The following HTR1F variants were observed in gnomAD, a reference collection of about 807,000 sequenced individuals.
HTR1F encodes the protein 5-hydroxytryptamine (serotonin) receptor 1F, G protein-coupled.
Under a neutral mutation model 24.0 loss-of-function variants are expected in HTR1F, and 17 were observed. The ratio of observed to expected loss-of-function variants is 0.71; its 90% CI spans 0.48 to 1.06. The LOEUF is 1.06. Ranked by LOEUF, HTR1F falls within the 50% of genes least tolerant of loss-of-function variation. HTR1F has a pLI of 0.00. For missense variants in HTR1F, 391 were observed against 427.8 expected (o/e 0.91, Z 0.76); for synonymous variants, 186 against 156.8 (o/e 1.19, Z -1.39).
At chr3:87,936,092 C>T (rs1434732454) in intron 2 of HTR1F, among the ~76,000 whole-genome samples, 1 of 152,158 alleles carries the variant, frequency 6.6e-6, no homozygotes, top group East Asian at 1.9e-4. Context: ...TCAAGTGATC[C>T]TCCCACCTTG....
chr3:87,833,553 G>C (rs1380550621), intron 2 of HTR1F, among the ~76,000 whole-genome samples: 1 of 152,170 alleles, frequency 6.6e-6, no homozygotes, highest in Non-Finnish European at 1.5e-5. Context: ...CCCAGCTGGA[G>C]TGTAGTGGCA....
rs1328816551 is a variant in HTR1F at position 87,987,708 on chromosome 3, ATATATATGTATTT to A, written c.-42-2979_-42-2967del. On this transcript the variant is annotated intron_variant, in intron 2 of 2. Coordinates refer to ENST00000319595, the MANE Select transcript of HTR1F (RefSeq NM_001322209.2). ...TTTATATATATAAAATATATGTATT[ATATATATGTATTT>A]TATATATGTATTTTATATATATAAA... Among the ~76,000 whole-genome samples the A allele has an allele frequency of 1.9e-3, 216 of 113,208 alleles. 4 individuals carry two copies. Among genetic ancestry groups the A allele is most frequent in the African/African-American group, 6.9e-3 (199 of 28,758 alleles). The allele number at this position is 113,208 out of a possible 152,430, so 74.3% of individuals were successfully genotyped here.
intron 1 of HTR1F, among the ~76,000 whole-genome samples, chr3:87,807,490 T>C (rs1704092865): frequency 6.6e-6 from 1 of 152,044 alleles, no homozygotes; most frequent in Non-Finnish European, 1.5e-5. Flanking sequence ...TTCCGCAACT[T>C]CATTGAATTT....
rs143164354 is a variant in HTR1F at position 87,951,587 on chromosome 3, C to T, written c.-42-39121C>T. On this transcript the variant is annotated intron_variant, in intron 2 of 2. Transcript: ENST00000319595. ...ACTACCTGCCCCATACATGTATAGC[C>T]TCTTCCATTATCAACATCCCCCACA... Among the ~76,000 whole-genome samples the T allele has an allele frequency of 1.1e-3, 169 of 152,158 alleles. 1 individual carries two copies. The highest frequency in any genetic ancestry group is 6.8e-3 in the South Asian group (33 of 4,820).
At chr3:87,882,982 G>A (rs569628198) in intron 2 of HTR1F, among the ~76,000 whole-genome samples, 33 of 152,284 alleles carry the variant, frequency 2.2e-4, no homozygotes, top group African/African-American at 6.3e-4. Flanking sequence ...CTCTGAGGAC[G>A]GACAGACTGC....
chr3:87,968,636 C>A (rs868100511), intron 2 of HTR1F, among the ~76,000 whole-genome samples: 1 of 152,114 alleles, frequency 6.6e-6, no homozygotes, highest in Admixed American at 6.5e-5. Flanking sequence ...GGAAGCAGAG[C>A]ATTAAAAGTT....
intron 2 of HTR1F, among the ~76,000 whole-genome samples, chr3:87,961,696 A>G (rs1378271929): frequency 2.0e-5 from 3 of 152,004 alleles, no homozygotes; most frequent in African/African-American, 7.2e-5. Context: ...CAGCGAGACA[A>G]CTTCACTGTG....
chr3:87,853,176 C>T (rs1232219330), intron 2 of HTR1F, among the ~76,000 whole-genome samples: 1 of 149,670 alleles, frequency 6.7e-6, no homozygotes, highest in Non-Finnish European at 1.5e-5. Flanking sequence ...GGTATTAAGC[C>T]TAGTACCCAT....
intron 2 of HTR1F, among the ~76,000 whole-genome samples, chr3:87,977,393 CTTTTTTTTTT>C (rs34070984): frequency 1.6e-3 from 119 of 73,092 alleles, no homozygotes; most frequent in African/African-American, 5.4e-3. Context: ...GAAGCTGAGA[CTTTTTTTTTT>C]TTTTTTTTTT....
chr3:87,988,078 T>G (rs1559660427), intron 2 of HTR1F, among the ~76,000 whole-genome samples: 1 of 151,816 alleles, frequency 6.6e-6, no homozygotes, highest in Non-Finnish European at 1.5e-5. Flanking sequence ...ACAGCATCAG[T>G]ATCACCCGGG....
At chr3:87,969,773 A>T (rs1430702428) in intron 2 of HTR1F, among the ~76,000 whole-genome samples, 2 of 152,104 alleles carry the variant, frequency 1.3e-5, no homozygotes, top group Non-Finnish European at 2.9e-5. Context: ...AGGGTGGAAT[A>T]ATATGGTTTG....
intron 2 of HTR1F, among the ~76,000 whole-genome samples, chr3:87,984,136 C>T (rs1705610409): frequency 1.3e-5 from 2 of 152,224 alleles, no homozygotes; most frequent in African/African-American, 4.8e-5. Flanking sequence ...GCTGATTTCA[C>T]ATGTCTGATG....
At chr3:87,856,889 A>T (rs923475) in intron 2 of HTR1F, among the ~76,000 whole-genome samples, 67,409 of 151,644 alleles carry the variant, frequency 0.44, 18,564 homozygotes, top group African/African-American at 0.79. Flanking sequence ...ATTAAATGTG[A>T]ACCTTCTGAA....
At chr3:87,895,338 T>C (rs1248241438) in intron 2 of HTR1F, among the ~76,000 whole-genome samples, 2 of 152,142 alleles carry the variant, frequency 1.3e-5, no homozygotes, top group Non-Finnish European at 2.9e-5. Flanking sequence ...AGGACTTGAA[T>C]AGACATTTCT....
intron 2 of HTR1F, among the ~76,000 whole-genome samples, chr3:87,908,353 A>C (rs1277734001): frequency 1.3e-5 from 2 of 151,980 alleles, no homozygotes; most frequent in East Asian, 3.9e-4. Flanking sequence ...AGTTATTATT[A>C]TGAAATGTGT....
chr3:87,884,223 A>T (rs1175603173), intron 2 of HTR1F, among the ~76,000 whole-genome samples: 2 of 152,190 alleles, frequency 1.3e-5, no homozygotes, highest in Non-Finnish European at 2.9e-5. Flanking sequence ...TTCACCCAGA[A>T]TTTTATACCC....
At chr3:87,861,516 A>T (rs968818340) in intron 2 of HTR1F, among the ~76,000 whole-genome samples, 2 of 152,134 alleles carry the variant, frequency 1.3e-5, no homozygotes, top group Non-Finnish European at 2.9e-5. Flanking sequence ...AATATATTAT[A>T]CTAACAATTA....
At chr3:87,859,416 G>A (rs1705270210) in intron 2 of HTR1F, among the ~76,000 whole-genome samples, 1 of 152,124 alleles carries the variant, frequency 6.6e-6, no homozygotes. Context: ...ACAACAACAA[G>A]AATGAGGTAC....
intron 2 of HTR1F, among the ~76,000 whole-genome samples, chr3:87,989,527 A>C (rs1200188216): frequency 6.6e-6 from 1 of 152,226 alleles, no homozygotes; most frequent in African/African-American, 2.4e-5. Flanking sequence ...TCATACAATG[A>C]TCATGGAATG....
Sources: allele counts gnomAD v4.1 joint callset (sites outside exome capture counted in the v4.1 genomes callset), GRCh38; gene constraint gnomAD v4.1.1; transcripts MANE v1.5; gene names NCBI Gene and HGNC (gene_info 2026-07-23, HGNC 2026-07-21).